SMUG1: variants seen among roughly 807,000 people sequenced by gnomAD.
SMUG1 encodes single-strand-selective monofunctional uracil-DNA glycosylase 1, also known as single-strand selective monofunctional uracil DNA glycosylase.
Under a neutral mutation model 23.9 loss-of-function variants are expected in SMUG1, and 13 were observed. The ratio of observed to expected loss-of-function variants is 0.54; its 90% CI spans 0.35 to 0.86. The LOEUF (loss-of-function observed/expected upper bound fraction) is 0.86. Among genes scored for constraint, SMUG1 ranks in the 40% least tolerant of loss-of-function variants. The probability of loss-of-function intolerance (pLI) is 0.01; values close to 1 mark genes in which losing one functional copy is unlikely to be tolerated. For synonymous variants in SMUG1, 133 were observed against 139.8 expected (o/e 0.95, Z 0.34); for missense variants, 313 against 339.5 (o/e 0.92, Z 0.61).
chr12:54,166,906 C>G (rs1183862138), intron 3 of SMUG1, among the ~76,000 whole-genome samples: 1 of 152,164 alleles, frequency 6.6e-6, no homozygotes, highest in African/African-American at 2.4e-5. Context: ...TAGTCTCCAC[C>G]CTCACACGCC....
chr12:54,182,526 C>A lies in SMUG1; in HGVS notation c.383G>T (p.Gly128Val), dbSNP rs1941341078. The A allele has an allele frequency of 3.7e-6, 6 of 1,614,156 alleles. No individual in the cohort carries two copies. Among genetic ancestry groups the A allele is most frequent in the African/African-American group, 1.3e-5 (1 of 75,034 alleles). Residue 128 changes from glycine (G) to valine (V), a missense_variant, in exon 4 of 4, where the codon GGA (glycine) becomes GTA (valine). Transcript: ENST00000682136. The stretch of plus-strand genomic sequence containing the variant: ...CACTTCTGACTGTGGGCACTCCAGT[C>A]CCAGCACTGGTCGTTTAGGATGCTC... ...PQEHPKRPVL[G>V]LECPQSEVSG... is the part of the protein sequence containing the mutation.
chr12:54,186,495 C>G (rs1272548795), intron 2 of SMUG1, among the ~76,000 whole-genome samples: 1 of 152,124 alleles, frequency 6.6e-6, no homozygotes, highest in Non-Finnish European at 1.5e-5. Context: ...GTGCGCAGCA[C>G]CACACCCGGC....
chr12:54,187,492 C>A (rs1456455865), intron 2 of SMUG1, among the ~76,000 whole-genome samples: 1 of 152,176 alleles, frequency 6.6e-6, no homozygotes, highest in Non-Finnish European at 1.5e-5. Flanking sequence ...CATGCAACAC[C>A]AACATTAGCA....
intron 3 of SMUG1, 28 bp from the exon 4 acceptor site, chr12:54,182,651 G>A: frequency 6.3e-7 from 1 of 1,579,212 alleles, no homozygotes. Context: ...GACATGAAAG[G>A]CTTCAAACTG....
chr12:54,174,096 C>T (rs978945953), intron 2 of SMUG1, among the ~76,000 whole-genome samples: 9 of 152,146 alleles, frequency 5.9e-5, no homozygotes, highest in Middle Eastern at 3.2e-3. Context: ...TGCAAAGCAG[C>T]GCTACCAAAC....
intron 3 of SMUG1, chr12:54,183,416 C>T (rs1941572978): frequency 6.9e-6 from 4 of 575,600 alleles, no homozygotes; most frequent in Non-Finnish European, 9.3e-6. Flanking sequence ...CTCTCAGAGG[C>T]AATTACTGGC....
At chr12:54,182,734 A>G (rs1268827107) in intron 3 of SMUG1, 111 bp from the exon 4 acceptor site, 27 of 1,485,944 alleles carry the variant, frequency 1.8e-5, no homozygotes, top group Non-Finnish European at 2.1e-5. Context: ...TGCACCCCCT[A>G]CCCCTACCTT....
At chr12:54,184,306 G>T (rs1252878537) in intron 2 of SMUG1, 1 of 182,082 alleles carries the variant, frequency 5.5e-6, no homozygotes, top group Non-Finnish European at 1.1e-5. Flanking sequence ...ACATTTACTG[G>T]TGGCATCCTT....
downstream of SMUG1, among the ~76,000 whole-genome samples, chr12:54,177,439 C>T (rs184771480): frequency 1.2e-4 from 18 of 152,278 alleles, no homozygotes; most frequent in South Asian, 3.7e-3. Context: ...AATCAGTAGT[C>T]ACTAGCCATG....
At chr12:54,185,681 C>T (rs550922448) in intron 2 of SMUG1, among the ~76,000 whole-genome samples, 2 of 150,414 alleles carry the variant, frequency 1.3e-5, no homozygotes, top group South Asian at 2.1e-4. Context: ...CATGGTGGCA[C>T]GTGCCTGTAA....
chr12:54,186,728 C>G (rs1384022419), intron 2 of SMUG1: 1 of 152,230 alleles, frequency 6.6e-6, no homozygotes, highest in African/African-American at 2.4e-5. Flanking sequence ...TGGTTACCGT[C>G]GTCTTAATGA....
chr12:54,179,805 G>A (rs749256591), downstream of SMUG1, among the ~76,000 whole-genome samples: 8 of 152,100 alleles, frequency 5.3e-5, no homozygotes, highest in Non-Finnish European at 1.0e-4. Flanking sequence ...ACGGAACTCA[G>A]GAAAACTCTA....
intron 3 of SMUG1, among the ~76,000 whole-genome samples, chr12:54,167,529 G>A (rs1192784848): frequency 1.3e-5 from 2 of 152,192 alleles, no homozygotes; most frequent in East Asian, 3.9e-4. Context: ...GCCTTCCCCA[G>A]AAGCACCTCT....
chr12:54,161,661 CCT>C (rs368782801), downstream of SMUG1, among the ~76,000 whole-genome samples: 62 of 152,232 alleles, frequency 4.1e-4, no homozygotes, highest in African/African-American at 1.4e-3. This position sits in a 1 kb window ranked among gnomAD's most constrained non-coding sequence, Gnocchi z 4.2. Flanking sequence ...CATATTCCCG[CCT>C]CTCTCCTTTA....
intron 1 of SMUG1, 23 bp from the exon 2 acceptor site, chr12:54,187,925 A>C (rs1460892121): frequency 6.6e-6 from 1 of 152,180 alleles, no homozygotes; most frequent in Non-Finnish European, 1.5e-5. Flanking sequence ...CAAATAAACA[A>C]CTAACTGTAA....
chr12:54,163,745 T>C (rs1940348574), downstream of SMUG1, among the ~76,000 whole-genome samples: 1 of 152,228 alleles, frequency 6.6e-6, no homozygotes. Context: ...CTGTGAGTTA[T>C]TCAGCAAGTT....
downstream of SMUG1, among the ~76,000 whole-genome samples, chr12:54,163,805 A>C (rs1468278078): frequency 6.6e-6 from 1 of 152,218 alleles, no homozygotes; most frequent in Non-Finnish European, 1.5e-5. Context: ...AATAATATTC[A>C]TCTCATAGTA....
chr12:54,183,618 C>T (rs766251222), intron 3 of SMUG1, 38 bp downstream of exon 3: 1 of 1,605,478 alleles, frequency 6.2e-7, no homozygotes, highest in South Asian at 1.1e-5. Context: ...CCACCTAGAA[C>T]CCCCCACTCC....
downstream of SMUG1, among the ~76,000 whole-genome samples, chr12:54,159,852 C>T (rs771768701): frequency 2.0e-5 from 3 of 152,198 alleles, no homozygotes; most frequent in Admixed American, 6.5e-5. Flanking sequence ...TCAGCCAGGG[C>T]GCAGCCTGGG....
Sources: allele counts gnomAD v4.1 joint callset (sites outside exome capture counted in the v4.1 genomes callset), GRCh38; gene constraint gnomAD v4.1.1; non-coding constraint Gnocchi (gnomAD v3.1); transcripts MANE v1.5; gene names NCBI Gene and HGNC (gene_info 2026-07-23, HGNC 2026-07-21).